Variants in PCDH7 observed in about 807,000 individuals in gnomAD.
The protein encoded by PCDH7 is protocadherin 7.
Under a neutral mutation model 58.9 loss-of-function variants are expected in PCDH7, and 17 were observed. The observed-to-expected ratio is 0.29, with a 90% CI of 0.20 to 0.43. PCDH7 has a LOEUF of 0.43. Ranked by LOEUF, PCDH7 falls within the 20% of genes least tolerant of loss-of-function variation. PCDH7 has a pLI of 1.00. For synonymous variants in PCDH7, 664 were observed against 616.4 expected (o/e 1.08, Z -1.14); for missense variants, 1,274 against 1,441.0 (o/e 0.88, Z 1.88).
intron 3 of PCDH7, among the ~76,000 whole-genome samples, chr4:31,137,711 T>C (rs16884398): frequency 0.31 from 47,832 of 152,104 alleles, 7,968 homozygotes; most frequent in African/African-American, 0.42. Context: ...GGAGGAATGG[T>C]GTGGGCATCT....
chr4:31,144,764 T>G (rs1720568126), downstream of PCDH7: 1 of 152,168 alleles, frequency 6.6e-6, no homozygotes. Flanking sequence ...ATTTTGATGT[T>G]AGTTTATGTA....
chr4:31,052,295 G>A (rs1162560552), intron 3 of PCDH7, among the ~76,000 whole-genome samples: 2 of 152,080 alleles, frequency 1.3e-5, no homozygotes, highest in East Asian at 3.9e-4. Context: ...ATTCTGTCCA[G>A]TCTGAGTAAC....
chr4:31,022,329 G>A (rs371410273), intron 3 of PCDH7, among the ~76,000 whole-genome samples: 12 of 152,104 alleles, frequency 7.9e-5, no homozygotes, highest in East Asian at 3.8e-4. Flanking sequence ...TATTTCTAAC[G>A]GTAGAGTAAG....
intron 1 of PCDH7, among the ~76,000 whole-genome samples, chr4:30,790,413 A>G (rs757444813): frequency 6.6e-6 from 1 of 152,234 alleles, no homozygotes; most frequent in Non-Finnish European, 1.5e-5. Context: ...GTCACACTCA[A>G]CAGGAGGGCC....
At chr4:31,027,737 A>G (rs1754554498) in intron 3 of PCDH7, among the ~76,000 whole-genome samples, 1 of 152,154 alleles carries the variant, frequency 6.6e-6, no homozygotes, top group Non-Finnish European at 1.5e-5. Flanking sequence ...TCATTTATAT[A>G]TGCATAATAT....
intron 1 of PCDH7, among the ~76,000 whole-genome samples, chr4:30,907,333 G>A (rs573469153): frequency 1.3e-5 from 2 of 152,088 alleles, no homozygotes; most frequent in Admixed American, 6.5e-5. Context: ...TACAGAATGC[G>A]AGAAAATTTT....
At chr4:30,783,794 A>T (rs908378058) in intron 1 of PCDH7, among the ~76,000 whole-genome samples, 1 of 152,176 alleles carries the variant, frequency 6.6e-6, no homozygotes, top group Non-Finnish European at 1.5e-5. Flanking sequence ...TAGCTTTTAT[A>T]TAAGTGAACA....
chr4:30,780,649 C>T (rs764928028), intron 1 of PCDH7, among the ~76,000 whole-genome samples: 8 of 152,084 alleles, frequency 5.3e-5, no homozygotes, highest in Non-Finnish European at 1.2e-4. Context: ...TACTTAATTA[C>T]ATTAGCATTC....
downstream of PCDH7, chr4:31,143,969 T>G (rs1461920662): frequency 6.6e-6 from 1 of 152,212 alleles, no homozygotes; most frequent in Non-Finnish European, 1.5e-5. Context: ...AGATTCCATG[T>G]TTTAAAATAG....
chr4:31,132,688 A>G (rs1719133693), intron 3 of PCDH7, among the ~76,000 whole-genome samples: 1 of 152,178 alleles, frequency 6.6e-6, no homozygotes, highest in African/African-American at 2.4e-5. Flanking sequence ...AAAGTAGCTA[A>G]CAAATTCTAT....
At chr4:30,761,613 C>G (rs1348646195) in intron 1 of PCDH7, among the ~76,000 whole-genome samples, 1 of 152,072 alleles carries the variant, frequency 6.6e-6, no homozygotes, top group Non-Finnish European at 1.5e-5. Context: ...TGTAAGTACT[C>G]AATAATCATA....
chr4:30,958,861 T>C (rs943321564), intron 3 of PCDH7, among the ~76,000 whole-genome samples: 4 of 151,946 alleles, frequency 2.6e-5, no homozygotes, highest in Non-Finnish European at 4.4e-5. Context: ...TTTAAGAAAA[T>C]AAAAAGTATT....
At chr4:30,911,330 C>A (rs906582129) in intron 1 of PCDH7, among the ~76,000 whole-genome samples, 1 of 143,850 alleles carries the variant, frequency 7.0e-6, no homozygotes, top group African/African-American at 2.5e-5. Flanking sequence ...ACCCCCCCCC[C>A]CAAAAAAAAG....
At chr4:31,115,009 G>T (rs1716823803) in intron 3 of PCDH7, among the ~76,000 whole-genome samples, 1 of 152,154 alleles carries the variant, frequency 6.6e-6, no homozygotes, top group African/African-American at 2.4e-5. Flanking sequence ...TGTAAGAACA[G>T]TGCGGGTTTT....
chr4:31,142,680 G>A (rs761585589), exon 4 of PCDH7: 11 of 1,367,552 alleles, frequency 8.0e-6, no homozygotes, highest in Admixed American at 3.8e-5. Context: ...ATGGGTGACC[G>A]CAACAGAAAC....
At chr4:31,048,487 A>G (rs777964827) in intron 3 of PCDH7, among the ~76,000 whole-genome samples, 3 of 152,108 alleles carry the variant, frequency 2.0e-5, no homozygotes, top group Non-Finnish European at 2.9e-5. Flanking sequence ...GAATCTTTCC[A>G]TGTCAGTAGA....
chr4:30,995,478 C>G (rs1310982266), intron 3 of PCDH7, among the ~76,000 whole-genome samples: 1 of 151,478 alleles, frequency 6.6e-6, no homozygotes, highest in Non-Finnish European at 1.5e-5. Context: ...TGCCACTGCA[C>G]TCCAGCCTGG....
intron 3 of PCDH7, among the ~76,000 whole-genome samples, chr4:31,053,372 C>A (rs1351888500): frequency 6.6e-6 from 1 of 152,048 alleles, no homozygotes; most frequent in Non-Finnish European, 1.5e-5. Flanking sequence ...TTTGTTTCTG[C>A]TGTTTCTTCA....
intron 1 of PCDH7, among the ~76,000 whole-genome samples, chr4:30,788,337 C>T (rs765304231): frequency 4.0e-5 from 6 of 151,840 alleles, no homozygotes; most frequent in South Asian, 2.1e-4. Flanking sequence ...TGTTCTTCTC[C>T]GCTATTTGTA....
Sources: gnomAD v4.1 joint callset for allele counts (sites outside exome capture counted in the v4.1 genomes callset) on GRCh38, gnomAD v4.1.1 for gene constraint, MANE v1.5 for transcripts, NCBI Gene and HGNC (gene_info 2026-07-23, HGNC 2026-07-21) for gene names.